The following TCF4 variants were observed in gnomAD, a reference collection of about 807,000 sequenced individuals.
The protein encoded by TCF4 is SL3-3 enhancer factor 2.
TCF4 carries 3 observed loss-of-function variants against 82.1 expected under a neutral mutation model. That is an observed-to-expected ratio of 0.04 (90% CI 0.02 to 0.09). The LOEUF is 0.09. Ranked by LOEUF, TCF4 falls within the 10% of genes least tolerant of loss-of-function variation. The probability of loss-of-function intolerance (pLI) is 1.00; values close to 1 mark genes in which losing one functional copy is unlikely to be tolerated. For synonymous variants in TCF4, 276 were observed against 309.6 expected (o/e 0.89, Z 1.14); for missense variants, 518 against 852.7 (o/e 0.61, Z 4.89).
chr18:55,619,937 G>C (rs1390675052), intron 2 of TCF4, among the ~76,000 whole-genome samples: 2 of 152,160 alleles, frequency 1.3e-5, no homozygotes, highest in Non-Finnish European at 2.9e-5. Context: ...ATCTCACCTT[G>C]AATTGTAATC....
At chr18:55,418,389 T>C (rs1196205704) in intron 5 of TCF4, among the ~76,000 whole-genome samples, 1 of 152,184 alleles carries the variant, frequency 6.6e-6, no homozygotes, top group African/African-American at 2.4e-5. Flanking sequence ...TAATCTAATG[T>C]AACATTATAT....
At chr18:55,496,827 G>C (rs1171053350) in intron 3 of TCF4, among the ~76,000 whole-genome samples, 1 of 139,374 alleles carries the variant, frequency 7.2e-6, no homozygotes, top group Non-Finnish European at 1.5e-5. Context: ...ATCAATTGCT[G>C]AAACACAGCA....
At chr18:55,474,514 G>A (rs1456812587) in intron 3 of TCF4, among the ~76,000 whole-genome samples, 1 of 151,740 alleles carries the variant, frequency 6.6e-6, no homozygotes, top group African/African-American at 2.4e-5. Flanking sequence ...CTTATTTATT[G>A]GTACCTGACC....
chr18:55,337,120 A>C (rs1424480830), intron 8 of TCF4, among the ~76,000 whole-genome samples: 6 of 152,090 alleles, frequency 3.9e-5, no homozygotes, highest in Non-Finnish European at 8.8e-5. Flanking sequence ...AATACTAGAT[A>C]ATAATTTAAA....
intron 5 of TCF4, among the ~76,000 whole-genome samples, chr18:55,405,868 A>G (rs1324255972): frequency 6.6e-6 from 1 of 152,216 alleles, no homozygotes; most frequent in African/African-American, 2.4e-5. Flanking sequence ...CATATCAGAT[A>G]CAGACTGCTT....
intron 11 of TCF4, among the ~76,000 whole-genome samples, chr18:55,263,942 G>C (rs2058575847): frequency 1.3e-5 from 2 of 151,976 alleles, no homozygotes; most frequent in African/African-American, 4.8e-5. Context: ...ATCTGCTACA[G>C]TAGTGGCTTT....
chr18:55,381,799 A>T (rs1012986275), intron 6 of TCF4, among the ~76,000 whole-genome samples: 1 of 152,212 alleles, frequency 6.6e-6, no homozygotes, highest in East Asian at 1.9e-4. Context: ...CCCAGGTTCT[A>T]TCTAGTTCCT....
At chr18:55,319,402 C>A (rs1386922227) in intron 8 of TCF4, among the ~76,000 whole-genome samples, 1 of 152,068 alleles carries the variant, frequency 6.6e-6, no homozygotes. Flanking sequence ...ATAGAATTGG[C>A]CCCTTCCTTG....
chr18:55,368,805 A>G (rs1019453692), intron 6 of TCF4, among the ~76,000 whole-genome samples: 2 of 152,240 alleles, frequency 1.3e-5, no homozygotes, highest in Non-Finnish European at 2.9e-5. Flanking sequence ...ATCAAATGCA[A>G]CGTGTGAACC....
intron 8 of TCF4, among the ~76,000 whole-genome samples, chr18:55,318,925 T>C (rs1290815860): frequency 6.6e-6 from 1 of 152,214 alleles, no homozygotes; most frequent in African/African-American, 2.4e-5. Context: ...TGTTTTGGAA[T>C]GATTTTCCAT....
At chr18:55,241,998 C>T (rs1435398297) in intron 15 of TCF4, among the ~76,000 whole-genome samples, 10 of 152,132 alleles carry the variant, frequency 6.6e-5, no homozygotes, top group Admixed American at 2.6e-4. Context: ...CAATTACCTA[C>T]GCATGGCCTC....
intron 3 of TCF4, among the ~76,000 whole-genome samples, chr18:55,533,794 T>C (rs1355138980): frequency 6.6e-6 from 1 of 152,192 alleles, no homozygotes. Flanking sequence ...GACTGTTCTT[T>C]TCATCACCAT....
At chr18:55,391,883 A>G (rs1409665133) in intron 6 of TCF4, among the ~76,000 whole-genome samples, 1 of 143,374 alleles carries the variant, frequency 7.0e-6, no homozygotes, top group Non-Finnish European at 1.5e-5. Flanking sequence ...GGTTGCAGTG[A>G]GCAGAGATTG....
chr18:55,483,969 T>G (rs1350288159), intron 3 of TCF4, among the ~76,000 whole-genome samples: 3 of 152,254 alleles, frequency 2.0e-5, no homozygotes, highest in Non-Finnish European at 4.4e-5. Flanking sequence ...TCGTGCACAG[T>G]ATTTCATCTT....
At chr18:55,596,699 T>C (rs963987325) in intron 2 of TCF4, among the ~76,000 whole-genome samples, 1 of 152,208 alleles carries the variant, frequency 6.6e-6, no homozygotes, top group African/African-American at 2.4e-5. Flanking sequence ...ACTTTTTGTT[T>C]TTGTTTGTTT....
intron 3 of TCF4, among the ~76,000 whole-genome samples, chr18:55,489,159 CAGTT>C (rs1404600053): frequency 3.9e-5 from 6 of 152,166 alleles, no homozygotes; most frequent in Non-Finnish European, 5.9e-5. Context: ...ACTGGGGCAT[CAGTT>C]AGAGCCACAG....
chr18:55,392,562 G>A (rs1369718778), intron 6 of TCF4, among the ~76,000 whole-genome samples: 7 of 151,266 alleles, frequency 4.6e-5, no homozygotes, highest in Admixed American at 4.6e-4. Flanking sequence ...TTGATCCTAT[G>A]AAATCATCTA....
chr18:55,325,192 G>C (rs1193730676), intron 8 of TCF4, among the ~76,000 whole-genome samples: 1 of 152,106 alleles, frequency 6.6e-6, no homozygotes, highest in Non-Finnish European at 1.5e-5. Flanking sequence ...ACCATTTCAT[G>C]AACAATTATT....
At chr18:55,572,171 G>C (rs1435195218) in intron 3 of TCF4, among the ~76,000 whole-genome samples, 2 of 152,042 alleles carry the variant, frequency 1.3e-5, no homozygotes, top group Admixed American at 1.3e-4. Flanking sequence ...AGAGCTCTAG[G>C]GTCATAGAAC....
Sources: gnomAD v4.1 joint callset for allele counts (sites outside exome capture counted in the v4.1 genomes callset) on GRCh38, gnomAD v4.1.1 for gene constraint, MANE v1.5 for transcripts, NCBI Gene and HGNC (gene_info 2026-07-23, HGNC 2026-07-21) for gene names.